The following EPHA8 variants were observed in gnomAD, a reference collection of about 807,000 sequenced individuals.
EPHA8 encodes EPH receptor A8.
Under a neutral mutation model 103.6 loss-of-function variants are expected in EPHA8, and 58 were observed. That is an observed-to-expected ratio of 0.56 (90% confidence interval 0.45 to 0.70). The LOEUF (loss-of-function observed/expected upper bound fraction) is 0.70. EPHA8 is among the 30% of genes least tolerant of loss of function. The probability of loss-of-function intolerance (pLI) is 0.00; values close to 1 mark genes in which losing one functional copy is unlikely to be tolerated. For synonymous variants in EPHA8, 559 were observed against 572.5 expected (o/e 0.98, Z 0.34); for missense variants, 1,304 against 1,395.2 (o/e 0.93, Z 1.04).
At position 22,576,527 on chromosome 1, in the gene EPHA8, C is replaced by T; in HGVS notation, c.470C>T (p.Ala157Val). The T allele has an allele frequency of 3.1e-6, 5 of 1,614,156 alleles. No homozygotes were observed. Among genetic ancestry groups the T allele is most frequent in the Non-Finnish European group, 4.2e-6 (5 of 1,180,044 alleles). The change falls in exon 3 of 17, where the codon GCC becomes GTC. Residue 157 changes from alanine (A) to valine (V), a missense_variant. Transcript: ENST00000166244. This position sits in a 1 kb window ranked among gnomAD's most constrained non-coding sequence, Gnocchi z 4.8. ...TIAADESFTG[A>V]DLGVRRLKLN... Reference sequence around the variant, plus strand: ...GCGGCCGACGAGAGCTTCACAGGTGCCGACCTTGGTGTGCGGCGTCTCAAG... The same window carrying T: ...GCGGCCGACGAGAGCTTCACAGGTGTCGACCTTGGTGTGCGGCGTCTCAAG...
chr1:22,568,895 A>C (rs1327002239), intron 1 of EPHA8, among the ~76,000 whole-genome samples: 1 of 152,212 alleles, frequency 6.6e-6, no homozygotes, highest in African/African-American at 2.4e-5. Flanking sequence ...CAGAGGAGGA[A>C]GCTGAGACTC....
chr1:22,584,368 G>A (rs138723666), intron 3 of EPHA8, among the ~76,000 whole-genome samples: 8 of 152,300 alleles, frequency 5.3e-5, no homozygotes, highest in African/African-American at 1.7e-4. Flanking sequence ...AGGGAAAGAT[G>A]TTGCAACAAT....
Position 22,598,514 on chromosome 1 carries a change from C to G in EPHA8, c.2178+302C>G, listed in dbSNP as rs565230350. ...GGGGGCATGCTGGCTGTGGTGGAGA[C>G]GGCTGGATTCCCAGCTCCTGCCCAC... On this transcript the variant is annotated intron_variant, in intron 12 of 16. Transcript: ENST00000166244. The surrounding 1 kb of genome is among the most constrained non-coding windows in gnomAD (Gnocchi z 5.1). Among the ~76,000 whole-genome samples the G allele has an allele frequency of 1.3e-5, 2 of 152,140 alleles. No individual in the cohort carries two copies. Among genetic ancestry groups the G allele is most frequent in the Admixed American group, 1.3e-4 (2 of 15,280 alleles).
chr1:22,578,097 TCA>T (rs1305434393), intron 3 of EPHA8, among the ~76,000 whole-genome samples: 8 of 27,456 alleles, frequency 2.9e-4, no homozygotes, highest in East Asian at 2.7e-3. Flanking sequence ...GCATGTAGCG[TCA>T]GTGTATGCAT....
In EPHA8 at chr1:22,598,362, G is replaced by A. The variant is rs111359893; in HGVS notation, c.2178+150G>A. The A allele has an allele frequency of 1.6e-3, 1,142 of 731,330 alleles. 13 individuals are homozygous for A. The African/African-American group carries it at 0.018, about 11-fold the overall frequency. The allele number at this position is 731,330 out of a possible 1,614,324, so 45.3% of individuals were successfully genotyped here. A position where few individuals can be genotyped will look rare whatever the true frequency, so the allele number is the denominator to read the frequency against. Reference sequence around the variant, plus strand: ...AGGCAGGTATAGGGAGGAGGTCTTCGAGTTCAGCCAGTCGAACTGCCTTTC... The same window carrying A: ...AGGCAGGTATAGGGAGGAGGTCTTCAAGTTCAGCCAGTCGAACTGCCTTTC... On this transcript the variant is annotated intron_variant, in intron 12 of 16. Coordinates refer to ENST00000166244, the MANE Select transcript of EPHA8 (RefSeq NM_020526.5). The surrounding 1 kb of genome is among the most constrained non-coding windows in gnomAD (Gnocchi z 5.1).
At chr1:22,579,461 C>T (rs773000330) in intron 3 of EPHA8, among the ~76,000 whole-genome samples, 30 of 150,818 alleles carry the variant, frequency 2.0e-4, no homozygotes, top group Non-Finnish European at 4.1e-4. Flanking sequence ...TGTGTGCATG[C>T]GTGCATGCAT....
intron 1 of EPHA8, among the ~76,000 whole-genome samples, chr1:22,564,952 C>T (rs972159230): frequency 6.6e-6 from 1 of 152,114 alleles, no homozygotes; most frequent in Non-Finnish European, 1.5e-5. Context: ...TCACCGAGGG[C>T]CCACCCTACA....
Position 22,577,946 on chromosome 1 carries a change from CGA to C in EPHA8, c.823+1068_823+1069del, listed in dbSNP as rs1339534704. ...GTATGTGTGCGTGAGTGTATGTGTG[CGA>C]GTGTATGCATGTGTGTGCATGTGCG... is the stretch of plus-strand genomic sequence containing the variant. On this transcript the variant is annotated intron_variant, in intron 3 of 16. Transcript: ENST00000166244. Among the ~76,000 whole-genome samples the C allele has an allele frequency of 2.6e-3, 3 of 1,172 alleles. 1 individual carries two copies. The highest frequency in any genetic ancestry group is 6.6e-3 in the Non-Finnish European group (3 of 458). The allele number at this position is 1,172 out of a possible 152,430, so 0.8% of individuals were successfully genotyped here. A position where few individuals can be genotyped will look rare whatever the true frequency, so the allele number is the denominator to read the frequency against.
chr1:22,578,888 T>C (rs1389264320), intron 3 of EPHA8, among the ~76,000 whole-genome samples: 1 of 149,200 alleles, frequency 6.7e-6, no homozygotes, highest in Non-Finnish European at 1.5e-5. Context: ...TGTGTCCGTG[T>C]GTGCATGTGT....
At chr1:22,585,050 T>TGTGTGTGTGTGCGC (rs71020436) in intron 3 of EPHA8, among the ~76,000 whole-genome samples, 14 of 93,520 alleles carry the variant, frequency 1.5e-4, no homozygotes, top group Admixed American at 7.9e-4. Context: ...TGTGTGTGTG[T>TGTGTGTGTGTGCGC]GCGCACGCGT....
chr1:22,586,441 G>A, intron 3 of EPHA8, 39 bp from the exon 4 acceptor site: 2 of 1,603,392 alleles, frequency 1.2e-6, no homozygotes, highest in South Asian at 1.1e-5. Context: ...AGCCAGGGTG[G>A]CCCTGCTGGC....
At chr1:22,592,062 T>C (rs1453873002) in intron 5 of EPHA8, among the ~76,000 whole-genome samples, 3 of 152,182 alleles carry the variant, frequency 2.0e-5, no homozygotes, top group Non-Finnish European at 2.9e-5. Context: ...TGATAGGCAC[T>C]CAGGAGTCCT....
At chr1:22,595,171 C>T in intron 7 of EPHA8, 59 bp from the exon 8 acceptor site, 1 of 1,445,826 alleles carries the variant, frequency 6.9e-7, no homozygotes, top group Non-Finnish European at 9.5e-7. Flanking sequence ...TCTGCCAGAC[C>T]CCTGGGCCCA....
At chr1:22,594,627 C>T (rs986687835) in intron 7 of EPHA8, among the ~76,000 whole-genome samples, 2 of 152,214 alleles carry the variant, frequency 1.3e-5, no homozygotes, top group African/African-American at 4.8e-5. Context: ...GCACCCACTG[C>T]GTGGTGGAGG....
chr1:22,567,219 C>T lies in EPHA8; in HGVS notation c.95-2070C>T, dbSNP rs2124506970. Reference sequence around the variant, plus strand: ...CAGGTCACAGAAGGGGCCCAGTCACCCCGAGACCTGTGTCTGGGATGCGGG... The same window carrying T: ...CAGGTCACAGAAGGGGCCCAGTCACTCCGAGACCTGTGTCTGGGATGCGGG... On this transcript the variant is annotated intron_variant, in intron 1 of 16. Transcript: ENST00000166244. The surrounding 1 kb of genome is among the most constrained non-coding windows in gnomAD (Gnocchi z 4.2). 6.6e-6 allele frequency among the ~76,000 whole-genome samples: 1 copy of T among 152,298 alleles called. No individual in the cohort carries two copies. Among genetic ancestry groups the T allele is most frequent in the African/African-American group, 2.4e-5 (1 of 41,566 alleles).
In EPHA8 at chr1:22,569,075, GC is replaced by G. The variant is rs1395879861; in HGVS notation, c.95-212del. Among the ~76,000 whole-genome samples, 1 of 152,188 alleles carries G rather than the reference GC, an allele frequency of 6.6e-6. No individual in the cohort carries two copies. Among genetic ancestry groups the G allele is most frequent in the Non-Finnish European group, 1.5e-5 (1 of 68,036 alleles). Reference sequence around the variant, plus strand: ...TGGGAGTTCAGAATATTACTTTTTGGCCAAGAGGGTGAGAAGAAGGCTTCAG... The same window carrying G: ...TGGGAGTTCAGAATATTACTTTTTGGCAAGAGGGTGAGAAGAAGGCTTCAG... On this transcript the variant is annotated intron_variant, in intron 1 of 16. Coordinates refer to ENST00000166244, the MANE Select transcript of EPHA8 (RefSeq NM_020526.5). This position sits in a 1 kb window ranked among gnomAD's most constrained non-coding sequence, Gnocchi z 4.5.
intron 3 of EPHA8, among the ~76,000 whole-genome samples, chr1:22,577,849 T>G (rs78359229): frequency 0.1 from 10,952 of 108,254 alleles, 424 homozygotes; most frequent in South Asian, 0.22. Context: ...CATGTATGTG[T>G]GCATGCGTAT....
At position 22,601,045 on chromosome 1, in the gene EPHA8, ATCCGCAG is replaced by A. The variant is rs1373097991; in HGVS notation, c.2687_2693del (p.Ile896ThrfsTer68). 1 of 1,612,228 alleles carries A rather than the reference ATCCGCAG, an allele frequency of 6.2e-7. No individual in the cohort carries two copies. The highest frequency in any genetic ancestry group is 8.5e-7 in the Non-Finnish European group (1 of 1,179,594). ...GATTGTCAGTGTCCTCGATGCGCTC[ATCCGCAG>A]CCCTGAGAGTCTCAGGGCCACCGCC... On this transcript the variant is annotated frameshift_variant, in exon 15 of 17. Coordinates refer to ENST00000166244, the MANE Select transcript of EPHA8 (RefSeq NM_020526.5). LOFTEE classifies it high-confidence loss of function.
intron 15 of EPHA8, 62 bp from the exon 16 acceptor site, chr1:22,601,238 T>C: frequency 5.2e-6 from 8 of 1,549,374 alleles, no homozygotes; most frequent in South Asian, 2.5e-5. Context: ...CTCAGCCTGC[T>C]TCTTCTGGGG....
Sources: allele counts gnomAD v4.1 joint callset (sites outside exome capture counted in the v4.1 genomes callset), GRCh38; gene constraint gnomAD v4.1.1; non-coding constraint Gnocchi (gnomAD v3.1); transcripts MANE v1.5; gene names NCBI Gene and HGNC (gene_info 2026-07-23, HGNC 2026-07-21).